PTPRN2: variants seen among roughly 807,000 people sequenced by gnomAD.
PTPRN2 encodes the protein protein tyrosine phosphatase receptor type N2.
In PTPRN2, 74 loss-of-function variants were observed where a neutral mutation model predicts 118.8. The observed-to-expected ratio is 0.62, with a 90% confidence interval of 0.52 to 0.76. The LOEUF is 0.76. Ranked by LOEUF, PTPRN2 falls within the 30% of genes least tolerant of loss-of-function variation. The probability of loss-of-function intolerance (pLI) is 0.00; values close to 1 mark genes in which losing one functional copy is unlikely to be tolerated. For synonymous variants in PTPRN2, 641 were observed against 608.0 expected (o/e 1.05, Z -0.80); for missense variants, 1,481 against 1,394.4 (o/e 1.06, Z -0.99).
In PTPRN2 at chr7:157,545,111, GGTGT is replaced by G. The variant is rs1339675648; in HGVS notation, c.2976+3831_2976+3834del. Among the ~76,000 whole-genome samples, 9 of 150,066 alleles carry G rather than the reference GGTGT, an allele frequency of 6.0e-5. No individual in the cohort carries two copies. In the East Asian group the frequency reaches 1.0e-3, roughly 17 times the overall value. ...TGTGCACCCCGTGGGTGGGTGTGTA[GGTGT>G]GTGTGGGGTGTATGCATGGGTGTGT... On this transcript the variant is annotated intron_variant, in intron 22 of 22. Coordinates refer to ENST00000389418, the MANE Select transcript of PTPRN2 (RefSeq NM_002847.5).
intron 3 of PTPRN2, among the ~76,000 whole-genome samples, chr7:158,269,440 G>A (rs1218142708): frequency 6.6e-6 from 1 of 152,202 alleles, no homozygotes; most frequent in Admixed American, 6.5e-5. Context: ...CCAGTCCCCG[G>A]GGCATACCTG....
intron 2 of PTPRN2, among the ~76,000 whole-genome samples, chr7:158,333,426 C>T (rs1268256127): frequency 2.0e-5 from 3 of 147,470 alleles, no homozygotes; most frequent in Admixed American, 1.3e-4. Flanking sequence ...ACACTGTCAC[C>T]ATAAGAGGTG....
At chr7:158,569,961 C>T (rs1237471160) in intron 1 of PTPRN2, among the ~76,000 whole-genome samples, 1 of 152,132 alleles carries the variant, frequency 6.6e-6, no homozygotes, top group Non-Finnish European at 1.5e-5. Flanking sequence ...CAGCCCCGCG[C>T]CCTGGCCAGC....
At chr7:157,994,460 C>T (rs1264446162) in intron 11 of PTPRN2, among the ~76,000 whole-genome samples, 2 of 143,576 alleles carry the variant, frequency 1.4e-5, no homozygotes, top group Admixed American at 7.2e-5. Flanking sequence ...TCTGAGGCAG[C>T]GTTAGAGCGA....
chr7:158,070,538 CTGG>C (rs1811205005), intron 11 of PTPRN2, among the ~76,000 whole-genome samples: 1 of 80,094 alleles, frequency 1.2e-5, no homozygotes, highest in African/African-American at 6.5e-5. Context: ...GGAGGTGCTC[CTGG>C]TGGTGGAGGT....
chr7:157,839,922 CTGTGTGACTG>C (rs1221662344), intron 12 of PTPRN2, among the ~76,000 whole-genome samples: 1 of 148,542 alleles, frequency 6.7e-6, no homozygotes, highest in Non-Finnish European at 1.5e-5. Flanking sequence ...CCATATGTGA[CTGTGTGACTG>C]TGTGTGACTG....
chr7:157,911,649 C>T (rs899925493), intron 11 of PTPRN2, among the ~76,000 whole-genome samples: 1 of 152,074 alleles, frequency 6.6e-6, no homozygotes, highest in African/African-American at 2.4e-5. Context: ...ATCCAGGATA[C>T]CTGACACTCT....
chr7:157,656,353 T>G lies in PTPRN2; in HGVS notation c.2196+4A>C, dbSNP rs1193379439. ...GTGGCAGGGAGTGCAAAGACTGGGC[T>G]TACCAGGATCATGTGGCCGGTGGAG... On this transcript the variant is annotated splice_donor_region_variant and intron_variant, in intron 14 of 22. Coordinates refer to ENST00000389418, the MANE Select transcript of PTPRN2 (RefSeq NM_002847.5). 6 of 1,547,170 alleles carry G rather than the reference T, an allele frequency of 3.9e-6. No individual in the cohort carries two copies. In the Admixed American group the frequency reaches 9.8e-5, roughly 25 times the overall value.
In PTPRN2 at chr7:157,801,808, G is replaced by A. The variant is rs1210817102; in HGVS notation, c.1788+96865C>T. ...CAGAACGGCCGCACAGAAAGTGCTT[G>A]GTCCTTGGCTTCCTGTGTCTCCCCC... On this transcript the variant is annotated intron_variant, in intron 12 of 22. Transcript: ENST00000389418. The surrounding 1 kb of genome is among the most constrained non-coding windows in gnomAD (Gnocchi z 4.2). Among the ~76,000 whole-genome samples, 1 of 152,130 alleles carries A rather than the reference G, an allele frequency of 6.6e-6. No homozygotes were observed. Among genetic ancestry groups the A allele is most frequent in the Non-Finnish European group, 1.5e-5 (1 of 68,026 alleles).
chr7:157,600,430 GTT>G (rs969287493), intron 16 of PTPRN2, among the ~76,000 whole-genome samples: 4 of 152,072 alleles, frequency 2.6e-5, no homozygotes, highest in Non-Finnish European at 5.9e-5. Context: ...AGATTGACTT[GTT>G]TTTTTTGAGA....
In PTPRN2 at chr7:158,529,451, T is replaced by A. The variant is rs1397919847; in HGVS notation, c.113-39666A>T. 2.0e-5 allele frequency among the ~76,000 whole-genome samples: 3 copies of A among 152,202 alleles called. No homozygotes were observed. In the East Asian group the frequency reaches 5.8e-4, roughly 29 times the overall value. ...ACACCCCCAAGGACAGGGAAGGTGC[T>A]GCTGACCACGGCCAGCAACGACGAG... On this transcript the variant is annotated intron_variant, in intron 1 of 22. Coordinates refer to ENST00000389418, the MANE Select transcript of PTPRN2 (RefSeq NM_002847.5). This position sits in a 1 kb window ranked among gnomAD's most constrained non-coding sequence, Gnocchi z 4.7.
intron 17 of PTPRN2, among the ~76,000 whole-genome samples, chr7:157,586,970 G>A (rs1800710442): frequency 6.6e-6 from 1 of 152,228 alleles, no homozygotes; most frequent in Admixed American, 6.5e-5. Context: ...GATGCTCTGA[G>A]GTTTGGTTGC....
intron 12 of PTPRN2, among the ~76,000 whole-genome samples, chr7:157,725,353 A>G (rs60236117): frequency 0.015 from 348 of 23,682 alleles, 32 homozygotes; most frequent in African/African-American, 0.064. Flanking sequence ...ATATCTACAC[A>G]CAGAGGAGTG....
rs539724371 is a variant in PTPRN2, at chr7:157,733,886, T to G, written c.1789-50949A>C. Among the ~76,000 whole-genome samples, 453 of 51,086 alleles carry G rather than the reference T, an allele frequency of 8.9e-3. 36 individuals are homozygous for G. The highest frequency in any genetic ancestry group is 0.047 in the Admixed American group (231 of 4,866). The allele number at this position is 51,086 out of a possible 152,430, so 33.5% of individuals were successfully genotyped here. On this transcript the variant is annotated intron_variant, in intron 12 of 22. Transcript: ENST00000389418. ...AGCACAGTTACTCTTTTCCGTCCCA[T>G]GCGCCCAGCACAGTTACCCTTTTCC...
At chr7:158,286,081 G>A (rs1184405453) in intron 3 of PTPRN2, among the ~76,000 whole-genome samples, 1 of 152,180 alleles carries the variant, frequency 6.6e-6, no homozygotes, top group African/African-American at 2.4e-5. Context: ...GGCTCCCTGG[G>A]CAAATGGAGT....
At chr7:158,410,247 C>G (rs904992814) in intron 2 of PTPRN2, among the ~76,000 whole-genome samples, 1 of 152,164 alleles carries the variant, frequency 6.6e-6, no homozygotes, top group South Asian at 2.1e-4. Context: ...CTCTAGAGAG[C>G]CTCTCCCGAC....
At chr7:158,287,643 T>C (rs1242973815) in intron 3 of PTPRN2, among the ~76,000 whole-genome samples, 1 of 152,156 alleles carries the variant, frequency 6.6e-6, no homozygotes, top group South Asian at 2.1e-4. Context: ...ATTCCTCCTG[T>C]TATTAATTTC....
At chr7:158,049,393 A>G in intron 11 of PTPRN2, among the ~76,000 whole-genome samples, 1 of 152,072 alleles carries the variant, frequency 6.6e-6, no homozygotes, top group African/African-American at 2.4e-5. Flanking sequence ...CCGACACTAC[A>G]TGCTCTGCCC....
chr7:157,863,839 A>G (rs1810423444), intron 12 of PTPRN2: 1 of 152,246 alleles, frequency 6.6e-6, no homozygotes, highest in South Asian at 2.1e-4. Context: ...GATGGCATCT[A>G]CCAGGCGGGG....
Sources: allele counts gnomAD v4.1 joint callset (sites outside exome capture counted in the v4.1 genomes callset), GRCh38; gene constraint gnomAD v4.1.1; non-coding constraint Gnocchi (gnomAD v3.1); transcripts MANE v1.5; gene names NCBI Gene and HGNC (gene_info 2026-07-23, HGNC 2026-07-21).